The following TOB1 variants were observed in gnomAD, a reference collection of about 807,000 sequenced individuals.
TOB1 encodes protein Tob1.
Under a neutral mutation model 22.9 loss-of-function variants are expected in TOB1, and 2 were observed. The ratio of observed to expected loss-of-function variants is 0.09; its 90% CI spans 0.04 to 0.28. TOB1 has a LOEUF of 0.28. TOB1 is among the 10% of genes least tolerant of loss of function. TOB1 has a pLI of 1.00. For synonymous variants in TOB1, 154 were observed against 150.6 expected (o/e 1.02, Z -0.17); for missense variants, 299 against 420.5 (o/e 0.71, Z 2.53).
chr17:50,864,476 CA>C (rs1222317222), intron 1 of TOB1, among the ~76,000 whole-genome samples: 36 of 152,146 alleles, frequency 2.4e-4, no homozygotes, highest in Non-Finnish European at 4.9e-4. Flanking sequence ...CTAGAACATG[CA>C]TTCTTCTCTC....
At chr17:50,864,718 T>G (rs574213094) in intron 1 of TOB1, among the ~76,000 whole-genome samples, 1 of 152,354 alleles carries the variant, frequency 6.6e-6, no homozygotes, top group Non-Finnish European at 1.5e-5. Context: ...ATGCTAAAAT[T>G]AAAGACACTG....
At chr17:50,865,130 G>A (rs1056836631) in intron 1 of TOB1, among the ~76,000 whole-genome samples, 2 of 152,138 alleles carry the variant, frequency 1.3e-5, no homozygotes, top group Admixed American at 6.5e-5. Flanking sequence ...TTTGCGAAAG[G>A]GATCTATTTG....
Position 50,862,850 on chromosome 17 carries a change from T to C in TOB1, c.*130A>G. ...CAAATGAAAAATGATGCATGTTTTA[T>C]TATTATTTTTTTAACCAAGCTTGAA... is the stretch of plus-strand genomic sequence containing the variant. On this transcript the variant is annotated 3_prime_UTR_variant, in exon 2 of 2. Transcript: ENST00000499247. The C allele has an allele frequency of 7.9e-7, 1 of 1,272,696 alleles. No individual in the cohort carries two copies. The highest frequency in any genetic ancestry group is 1.0e-6 in the Non-Finnish European group (1 of 965,436). 78.8% of individuals were successfully genotyped at this position (1,272,696 alleles called of 1,614,324 possible).
Position 50,862,304 on chromosome 17 carries a change from TA to T in TOB1, c.*675del, listed in dbSNP as rs1174275348. The T allele has an allele frequency of 6.6e-6, 1 of 152,620 alleles. No individual in the cohort carries two copies. The highest frequency in any genetic ancestry group is 2.4e-5 in the African/African-American group (1 of 41,432). The allele number at this position is 152,620 out of a possible 1,614,324, so 9.5% of individuals were successfully genotyped here. ...TAACATGTAAGACACTGACTCAAAATACTTTTATACCGTTTTTTTCAAGTAT... is the reference window on the plus strand; with the variant it reads ...TAACATGTAAGACACTGACTCAAAATCTTTTATACCGTTTTTTTCAAGTAT... On this transcript the variant is annotated 3_prime_UTR_variant, in exon 2 of 2. Coordinates refer to ENST00000499247, the MANE Select transcript of TOB1 (RefSeq NM_005749.4).
At chr17:50,865,590 G>A (rs1972286492) in intron 1 of TOB1, among the ~76,000 whole-genome samples, 1 of 152,088 alleles carries the variant, frequency 6.6e-6, no homozygotes. Flanking sequence ...ACCCAGCACC[G>A]AGCAGGTCGG....
At position 50,863,078 on chromosome 17, in the gene TOB1, C is replaced by T. The variant is rs1972237833; in HGVS notation, c.940G>A (p.Gly314Arg). Residue 314 changes from glycine to arginine, a missense_variant, in exon 2 of 2, where the codon GGA becomes AGA. Coordinates refer to ENST00000499247, the MANE Select transcript of TOB1 (RefSeq NM_005749.4). ...ACAAAAGATTTCTCATTGAGGCCTC[C>T]ATAGGCTGCAAACACATCAAAGGCA... ...SNAFDVFAAY[G>R]GLNEKSFVDG... is the part of the protein sequence containing the mutation. 1.9e-6 allele frequency: 3 copies of T among 1,614,072 alleles called. No homozygotes were observed. The South Asian group carries it at 3.3e-5, about 18-fold the overall frequency.
At chr17:50,866,844 C>T (rs1158570353), upstream of TOB1, 1 of 152,406 alleles carries the variant, frequency 6.6e-6, no homozygotes, top group Non-Finnish European at 1.5e-5. Context: ...AAAGTGCCCT[C>T]TCCGCGGGGG....
Position 50,863,610 on chromosome 17 carries a change from G to C in TOB1, c.408C>G (p.Ala136=), listed in dbSNP as rs1972252238. The C allele has an allele frequency of 6.2e-7, 1 of 1,614,038 alleles. No homozygotes were observed. The highest frequency in any genetic ancestry group is 8.5e-7 in the Non-Finnish European group (1 of 1,180,010). The change falls in exon 2 of 2, where the codon GCC becomes GCG. Residue 136 remains alanine, a synonymous_variant. Transcript: ENST00000499247. ...KEIKNSFNPE[A]QVFMPISDPA... ...GGTCACTTATGGGCATAAAAACCTG[G>C]GCCTCTGGGTTAAAGCTGTTTTTGA...
Position 50,863,590 on chromosome 17 carries a change from C to T in TOB1, c.428G>A (p.Ser143Asn). 1 of 1,614,190 alleles carries T rather than the reference C, an allele frequency of 6.2e-7. No individual in the cohort carries two copies. The highest frequency in any genetic ancestry group is 1.1e-5 in the South Asian group (1 of 91,080). The change falls in exon 2 of 2, where the codon AGT becomes AAT. Residue 143 changes from serine (S) to asparagine (N), a missense_variant. Coordinates refer to ENST00000499247, the MANE Select transcript of TOB1 (RefSeq NM_005749.4). ...GCTGGACACTGATGAGGCTGGGTCA[C>T]TTATGGGCATAAAAACCTGGGCCTC... is the stretch of plus-strand genomic sequence containing the variant. ...NPEAQVFMPI[S>N]DPASSVSSSP...
chr17:50,864,511 T>C (rs771042897), intron 1 of TOB1, among the ~76,000 whole-genome samples: 24 of 152,204 alleles, frequency 1.6e-4, no homozygotes, highest in Non-Finnish European at 2.8e-4. Flanking sequence ...AGAATATTTA[T>C]TGTACTCAGC....
intron 1 of TOB1, 114 bp from the exon 2 acceptor site, chr17:50,864,277 G>A: frequency 2.1e-6 from 1 of 467,608 alleles, no homozygotes; most frequent in Non-Finnish European, 3.1e-6. Context: ...GTGTTAGTCT[G>A]CTAAGGATAA....
chr17:50,866,453 C>A (rs1303675847), upstream of TOB1: 1 of 151,576 alleles, frequency 6.6e-6, no homozygotes. Flanking sequence ...ACAGCTCCGG[C>A]GGCGCAGCCA....
rs985902872 is a variant in TOB1 at position 50,863,094 on chromosome 17, A to T, written c.924T>A (p.Asp308Glu). The T allele has an allele frequency of 1.2e-6, 2 of 1,614,206 alleles. No homozygotes were observed. The highest frequency in any genetic ancestry group is 1.3e-5 in the African/African-American group (1 of 75,048). ...LSPLQYSNAFDVFAAYGGLNE... is the reference protein window; with the variant it reads ...LSPLQYSNAFEVFAAYGGLNE... ...TGAGGCCTCCATAGGCTGCAAACAC[A>T]TCAAAGGCATTACTGTACTGGAGAG... The change falls in exon 2 of 2, where the codon GAT (aspartate) becomes GAA (glutamate). Residue 308 changes from aspartate (D) to glutamate (E), a missense_variant. Transcript: ENST00000499247.
upstream of TOB1, chr17:50,867,576 A>C (rs1972332216): frequency 6.6e-6 from 1 of 152,220 alleles, no homozygotes; most frequent in South Asian, 2.1e-4. Flanking sequence ...GACCGACGTC[A>C]AACTCGGACT....
In TOB1 at chr17:50,862,439, G is replaced by A. The variant is rs2143334822; in HGVS notation, c.*541C>T. On this transcript the variant is annotated 3_prime_UTR_variant, in exon 2 of 2. Coordinates refer to ENST00000499247, the MANE Select transcript of TOB1 (RefSeq NM_005749.4). Reference sequence around the variant, plus strand: ...AAAATACATTTTTTTGAAAAAGCAAGTATTCGTACATTTTAATTCCACCAC... The same window carrying A: ...AAAATACATTTTTTTGAAAAAGCAAATATTCGTACATTTTAATTCCACCAC... The A allele has an allele frequency of 6.6e-6, 1 of 152,218 alleles. No homozygotes were observed. The highest frequency in any genetic ancestry group is 1.9e-4 in the East Asian group (1 of 5,172). 9.4% of individuals were successfully genotyped at this position (152,218 alleles called of 1,614,324 possible). A position where few individuals can be genotyped will look rare whatever the true frequency, so the allele number is the denominator to read the frequency against.
Position 50,862,928 on chromosome 17 carries a change from A to G in TOB1, c.*52T>C. 6.7e-7 allele frequency: 1 copy of G among 1,491,382 alleles called. No individual in the cohort carries two copies. The highest frequency in any genetic ancestry group is 8.9e-7 in the Non-Finnish European group (1 of 1,121,618). 92.4% of individuals were successfully genotyped at this position (1,491,382 alleles called of 1,614,324 possible). On this transcript the variant is annotated 3_prime_UTR_variant, in exon 2 of 2. Coordinates refer to ENST00000499247, the MANE Select transcript of TOB1 (RefSeq NM_005749.4). ...AAAATTCTCAAGGAGGTGAAAAAAA[A>G]AATCCCCCTTGGGCCCGTGCATTTT...
intron 1 of TOB1, among the ~76,000 whole-genome samples, chr17:50,865,393 T>C (rs1339644182): frequency 6.6e-6 from 1 of 151,736 alleles, no homozygotes; most frequent in Non-Finnish European, 1.5e-5. Flanking sequence ...CAGGCAGGAG[T>C]GTGAAGAATT....
At chr17:50,867,202 C>T (rs1462803199), upstream of TOB1, 4 of 152,340 alleles carry the variant, frequency 2.6e-5, no homozygotes, top group Admixed American at 6.5e-5. Flanking sequence ...AGTGTGGCGA[C>T]ACGAGGCCAA....
At position 50,862,399 on chromosome 17, in the gene TOB1, TTA is replaced by T. The variant is rs1972227777; in HGVS notation, c.*579_*580del. 1 of 152,614 alleles carries T rather than the reference TTA, an allele frequency of 6.6e-6. No individual in the cohort carries two copies. Among genetic ancestry groups the T allele is most frequent in the Non-Finnish European group, 1.5e-5 (1 of 68,034 alleles). The allele number at this position is 152,614 out of a possible 1,614,324, so 9.5% of individuals were successfully genotyped here. On this transcript the variant is annotated 3_prime_UTR_variant, in exon 2 of 2. Coordinates refer to ENST00000499247, the MANE Select transcript of TOB1 (RefSeq NM_005749.4). ...CTTCCATAATATATAGCAAAAATCT[TTA>T]AACTTTTAACAGAAAATACATTTTT...
Sources: gnomAD v4.1 joint callset for allele counts (sites outside exome capture counted in the v4.1 genomes callset) on GRCh38, gnomAD v4.1.1 for gene constraint, MANE v1.5 for transcripts, NCBI Gene and HGNC (gene_info 2026-07-23, HGNC 2026-07-21) for gene names.